CACHD1: variants seen among roughly 807,000 people sequenced by gnomAD.
The protein encoded by CACHD1 is cache domain containing 1.
In CACHD1, 71 loss-of-function variants were observed where a neutral mutation model predicts 138.7. The observed-to-expected ratio is 0.51, with a 90% confidence interval of 0.42 to 0.62. The LOEUF (loss-of-function observed/expected upper bound fraction) is 0.62, where lower values mean the gene tolerates loss of function less well. CACHD1 is among the 20% of genes least tolerant of loss of function. The probability of loss-of-function intolerance (pLI) is 0.00; values close to 1 mark genes in which losing one functional copy is unlikely to be tolerated. For missense variants in CACHD1, 1,389 were observed against 1,625.3 expected (o/e 0.85, Z 2.50); for synonymous variants, 578 against 591.5 (o/e 0.98, Z 0.33).
At chr1:64,615,655 AC>A (rs1481004108) in intron 4 of CACHD1, among the ~76,000 whole-genome samples, 1 of 152,224 alleles carries the variant, frequency 6.6e-6, no homozygotes. Context: ...TAATGGAATA[AC>A]CAAGACTTTT....
At position 64,612,057 on chromosome 1, in the gene CACHD1, A is replaced by C. The variant is rs114948737; in HGVS notation, c.517+9145A>C. On this transcript the variant is annotated intron_variant, in intron 4 of 26. Transcript: ENST00000651257. ...GGGGGAACTGCCAAACACTTAATGCATCAGATTTAGTGAGAACTCACTATC... is the reference window on the plus strand; with the variant it reads ...GGGGGAACTGCCAAACACTTAATGCCTCAGATTTAGTGAGAACTCACTATC... Among the ~76,000 whole-genome samples, 1,227 of 152,304 alleles carry C rather than the reference A, an allele frequency of 8.1e-3. 8 individuals are homozygous for C. Among genetic ancestry groups the C allele is most frequent in the African/African-American group, 0.029 (1,186 of 41,572 alleles).
intron 1 of CACHD1, among the ~76,000 whole-genome samples, chr1:64,507,176 T>C (rs1646383636): frequency 6.6e-6 from 1 of 152,206 alleles, no homozygotes; most frequent in Admixed American, 6.5e-5. Context: ...AGACTGACTT[T>C]AGGATCACAG....
intron 7 of CACHD1, 143 bp from the exon 8 acceptor site, chr1:64,641,677 C>A: frequency 1.9e-6 from 1 of 537,588 alleles, no homozygotes; most frequent in South Asian, 3.3e-5. Context: ...GGATGAAAGC[C>A]ACAGCATCAA....
At chr1:64,529,184 G>A (rs900983270) in intron 1 of CACHD1, among the ~76,000 whole-genome samples, 2 of 152,098 alleles carry the variant, frequency 1.3e-5, no homozygotes, top group Non-Finnish European at 2.9e-5. Context: ...GAAGTGGCTT[G>A]ATGTCTGTAC....
rs532672254 is a variant in CACHD1, at chr1:64,486,493, C to T, written c.198+15551C>T. ...CTGCTACTACAAATTGATTTTCTTTCGAGTGACATTGTTCTCAAAGGAAAT... is the reference window on the plus strand; with the variant it reads ...CTGCTACTACAAATTGATTTTCTTTTGAGTGACATTGTTCTCAAAGGAAAT... On this transcript the variant is annotated intron_variant, in intron 1 of 26. Transcript: ENST00000651257. 3.9e-5 allele frequency among the ~76,000 whole-genome samples: 6 copies of T among 152,052 alleles called. No homozygotes were observed. In the South Asian group the frequency reaches 6.2e-4, roughly 16 times the overall value.
chr1:64,641,422 A>G (rs1648709771), intron 7 of CACHD1, among the ~76,000 whole-genome samples: 1 of 152,190 alleles, frequency 6.6e-6, no homozygotes, highest in African/African-American at 2.4e-5. Flanking sequence ...TCCTCAAGAA[A>G]CGAGCATTCA....
intron 4 of CACHD1, among the ~76,000 whole-genome samples, chr1:64,627,889 C>T (rs1648166100): frequency 6.6e-6 from 1 of 151,946 alleles, no homozygotes; most frequent in Non-Finnish European, 1.5e-5. Context: ...TTGCATGGAC[C>T]TTAAAATGTA....
intron 8 of CACHD1, among the ~76,000 whole-genome samples, chr1:64,643,580 T>C (rs964790721): frequency 1.3e-5 from 2 of 152,218 alleles, no homozygotes; most frequent in African/African-American, 2.4e-5. Context: ...CTCATGCCTG[T>C]AATCCCAGCA....
intron 1 of CACHD1, among the ~76,000 whole-genome samples, chr1:64,532,066 C>T (rs767121757): frequency 9.9e-5 from 15 of 152,104 alleles, no homozygotes; most frequent in Non-Finnish European, 2.1e-4. Flanking sequence ...GTTAGAATAG[C>T]GTGAGGCCCC....
chr1:64,536,476 T>C (rs1646633473), intron 1 of CACHD1, among the ~76,000 whole-genome samples: 1 of 152,230 alleles, frequency 6.6e-6, no homozygotes, highest in South Asian at 2.1e-4. Flanking sequence ...CCGTTCCAAC[T>C]GGCATTGAGG....
At chr1:64,481,943 G>GA (rs1259663807) in intron 1 of CACHD1, among the ~76,000 whole-genome samples, 3 of 151,908 alleles carry the variant, frequency 2.0e-5, no homozygotes, top group Non-Finnish European at 4.4e-5. Flanking sequence ...TTCTATATAG[G>GA]AAAAAATATA....
intron 24 of CACHD1, among the ~76,000 whole-genome samples, chr1:64,680,626 A>G (rs886946482): frequency 6.6e-6 from 1 of 152,176 alleles, no homozygotes; most frequent in African/African-American, 2.4e-5. Flanking sequence ...TTTAATGGCC[A>G]TCTCCATCCT....
intron 2 of CACHD1, among the ~76,000 whole-genome samples, chr1:64,569,565 A>AG (rs760993601): frequency 1.2e-4 from 19 of 152,126 alleles, no homozygotes; most frequent in South Asian, 4.2e-4. Context: ...GGAGAGGAGC[A>AG]GCGGGGGCCT....
intron 1 of CACHD1, among the ~76,000 whole-genome samples, chr1:64,544,946 G>C (rs1252758033): frequency 6.6e-6 from 1 of 152,022 alleles, no homozygotes; most frequent in Non-Finnish European, 1.5e-5. Flanking sequence ...AAGTGTGAGG[G>C]AGCAATTAAA....
chr1:64,565,311 A>T (rs780126073), intron 2 of CACHD1, among the ~76,000 whole-genome samples: 1 of 151,868 alleles, frequency 6.6e-6, no homozygotes, highest in South Asian at 2.1e-4. Context: ...GTGCTTGCTA[A>T]ATGTTCATTG....
chr1:64,678,016 TA>T, intron 22 of CACHD1, 142 bp from the exon 23 acceptor site: 2 of 772,006 alleles, frequency 2.6e-6, no homozygotes, highest in Non-Finnish European at 4.0e-6. Context: ...ATTCTCATTT[TA>T]TAAGGAAAGG....
chr1:64,575,738 C>G (rs1350224186), intron 2 of CACHD1, among the ~76,000 whole-genome samples: 1 of 152,200 alleles, frequency 6.6e-6, no homozygotes, highest in Non-Finnish European at 1.5e-5. Flanking sequence ...ATTCAAAACT[C>G]CTTCCGGCCC....
At chr1:64,486,295 C>T (rs1189309303) in intron 1 of CACHD1, among the ~76,000 whole-genome samples, 1 of 151,542 alleles carries the variant, frequency 6.6e-6, no homozygotes, top group Admixed American at 6.6e-5. Flanking sequence ...TATAACATTT[C>T]CATAACCAAA....
At chr1:64,473,998 C>A (rs1384303115) in intron 1 of CACHD1, among the ~76,000 whole-genome samples, 2 of 152,172 alleles carry the variant, frequency 1.3e-5, no homozygotes, top group Non-Finnish European at 2.9e-5. Context: ...AAGCGTCTAC[C>A]TTGAAGATTT....
Sources: allele counts gnomAD v4.1 joint callset (sites outside exome capture counted in the v4.1 genomes callset), GRCh38; gene constraint gnomAD v4.1.1; transcripts MANE v1.5; gene names NCBI Gene and HGNC (gene_info 2026-07-23, HGNC 2026-07-21).